Variants in FGF14 observed in about 807,000 individuals in gnomAD.
The protein encoded by FGF14 is fibroblast growth factor 14.
A neutral mutation model predicts 25.5 loss-of-function variants in FGF14; 5 were observed. That is an observed-to-expected ratio of 0.20 (90% CI 0.10 to 0.41). The LOEUF is 0.41. Among genes scored for constraint, FGF14 ranks in the 10% least tolerant of loss-of-function variants. The pLI is 1.00. For synonymous variants in FGF14, 138 were observed against 118.3 expected, an observed-to-expected ratio of 1.17 and a Z score of -1.08; for missense variants, 222 against 320.1, an observed-to-expected ratio of 0.69 and a Z score of 2.34.
intron 1 of FGF14, among the ~76,000 whole-genome samples, chr13:102,383,666 C>G (rs2058237215): frequency 6.6e-6 from 1 of 152,130 alleles, no homozygotes; most frequent in South Asian, 2.1e-4. Context: ...GAGGATAGAT[C>G]CGTTTATTCC....
At chr13:102,225,466 C>G (rs2050789806) in intron 1 of FGF14, among the ~76,000 whole-genome samples, 1 of 152,122 alleles carries the variant, frequency 6.6e-6, no homozygotes, top group Non-Finnish European at 1.5e-5. Context: ...TTATTTTATG[C>G]TGCACTAGAG....
At chr13:102,331,353 C>T (rs2056627613) in intron 1 of FGF14, among the ~76,000 whole-genome samples, 1 of 152,164 alleles carries the variant, frequency 6.6e-6, no homozygotes, top group African/African-American at 2.4e-5. Context: ...ATCCCAATAG[C>T]TTGGACCCAT....
intron 1 of FGF14, among the ~76,000 whole-genome samples, chr13:102,334,006 G>A (rs2056714723): frequency 6.6e-6 from 1 of 152,166 alleles, no homozygotes; most frequent in South Asian, 2.1e-4. Context: ...TGGCATGCCT[G>A]GTAGTCATGG....
upstream of FGF14, chr13:102,401,880 A>G (rs2058709686): frequency 1.3e-5 from 8 of 608,484 alleles, no homozygotes; most frequent in East Asian, 2.8e-5. Flanking sequence ...AGAGATCCCA[A>G]CTGAGATCAA....
At chr13:102,083,989 C>G (rs1203412910) in intron 1 of FGF14, among the ~76,000 whole-genome samples, 1 of 152,132 alleles carries the variant, frequency 6.6e-6, no homozygotes, top group Non-Finnish European at 1.5e-5. Flanking sequence ...CTCTTAATCT[C>G]CGAGTTCATC....
chr13:101,893,402 T>C (rs1345423279), intron 1 of FGF14, among the ~76,000 whole-genome samples: 1 of 152,190 alleles, frequency 6.6e-6, no homozygotes, highest in Non-Finnish European at 1.5e-5. Flanking sequence ...ATTGCTTTGC[T>C]GTGGTGGAGA....
At chr13:101,812,637 ATATATATATATATATATTTTTTTTTT>A (rs2041608552) in intron 3 of FGF14, among the ~76,000 whole-genome samples, 2 of 11,768 alleles carry the variant, frequency 1.7e-4, no homozygotes, top group African/African-American at 5.4e-4. Flanking sequence ...ATATATATAT[ATATATATATATATATATTTTTTTTTT>A]TTTTTTTTTT....
At chr13:102,401,803 C>G (rs993858434), upstream of FGF14, 4 of 822,452 alleles carry the variant, frequency 4.9e-6, no homozygotes, top group Non-Finnish European at 8.0e-6. Context: ...CCTCGATCAC[C>G]ACCGGATTAT....
At chr13:102,332,359 T>A (rs2056659080) in intron 1 of FGF14, among the ~76,000 whole-genome samples, 1 of 152,134 alleles carries the variant, frequency 6.6e-6, no homozygotes. Context: ...AGTAAAACAC[T>A]CATTATTCTG....
intron 3 of FGF14, among the ~76,000 whole-genome samples, chr13:101,785,484 G>A (rs2039759473): frequency 6.6e-6 from 1 of 151,834 alleles, no homozygotes; most frequent in African/African-American, 2.4e-5. Context: ...CTAAGAGCTG[G>A]GCAACTTGAT....
intron 1 of FGF14, among the ~76,000 whole-genome samples, chr13:102,215,990 T>A (rs538504295): frequency 3.3e-5 from 5 of 152,000 alleles, no homozygotes; most frequent in Admixed American, 3.3e-4. Flanking sequence ...GTGAAATGGA[T>A]CCACAGGAGA....
chr13:102,091,319 C>A (rs1036463032), intron 1 of FGF14, among the ~76,000 whole-genome samples: 3 of 152,120 alleles, frequency 2.0e-5, no homozygotes, highest in African/African-American at 7.2e-5. Context: ...AAGATTCTCT[C>A]TGTTAGGATC....
rs754696418 is a variant in FGF14 at position 102,269,641 on chromosome 13, C to T, written c.208+131830G>A. 1.1e-4 allele frequency among the ~76,000 whole-genome samples: 17 copies of T among 152,162 alleles called. 1 individual carries two copies. The highest frequency in any genetic ancestry group is 3.9e-4 in the East Asian group (2 of 5,174). On this transcript the variant is annotated intron_variant, in intron 1 of 4. Transcript: ENST00000376131. The stretch of plus-strand genomic sequence containing the variant: ...TGGGTTCCAGTGATCTTCCTGTCTC[C>T]GCCTCCTGAGTAGCTAGGACTGCCA...
At chr13:101,740,241 G>C (rs1324206638) in intron 3 of FGF14, among the ~76,000 whole-genome samples, 2 of 152,162 alleles carry the variant, frequency 1.3e-5, no homozygotes, top group African/African-American at 4.8e-5. Flanking sequence ...GGTTTTGTCT[G>C]CGGCTCATTC....
intron 3 of FGF14, among the ~76,000 whole-genome samples, chr13:101,835,610 C>T (rs939218944): frequency 2.0e-5 from 3 of 151,950 alleles, no homozygotes; most frequent in Non-Finnish European, 2.9e-5. Context: ...TCCTAACGTG[C>T]AGTGCTAACC....
At chr13:102,341,246 T>C (rs1049976284) in intron 1 of FGF14, among the ~76,000 whole-genome samples, 7 of 152,186 alleles carry the variant, frequency 4.6e-5, no homozygotes, top group Non-Finnish European at 1.0e-4. Flanking sequence ...AATGCTTTTA[T>C]ATGAGACTAG....
Position 102,211,431 on chromosome 13 carries a change from T to C in FGF14, c.208+190040A>G, listed in dbSNP as rs142410037. Among the ~76,000 whole-genome samples, 7 of 152,208 alleles carry C rather than the reference T, an allele frequency of 4.6e-5. No individual in the cohort carries two copies. In the East Asian group the frequency reaches 1.4e-3, roughly 29 times the overall value. On this transcript the variant is annotated intron_variant, in intron 1 of 4. Transcript: ENST00000376131. ...ATCTTAGTCAGAATTGATGTGTTCA[T>C]ATGATCACTTTACTACTTTCAAAGA...
upstream of FGF14, among the ~76,000 whole-genome samples, chr13:101,919,147 G>A (rs565189339): frequency 6.6e-6 from 1 of 152,122 alleles, no homozygotes; most frequent in African/African-American, 2.4e-5. Flanking sequence ...TATTGAGTGT[G>A]TCTGTTGTTT....
intron 4 of FGF14, among the ~76,000 whole-genome samples, chr13:101,725,384 T>C (rs184857674): frequency 7.6e-4 from 116 of 152,204 alleles, no homozygotes; most frequent in African/African-American, 2.6e-3. Flanking sequence ...GACTCTGGAA[T>C]AATCTGTCTT....
Sources: allele counts gnomAD v4.1 joint callset (sites outside exome capture counted in the v4.1 genomes callset), GRCh38; gene constraint gnomAD v4.1.1; transcripts MANE v1.5; gene names NCBI Gene and HGNC (gene_info 2026-07-23, HGNC 2026-07-21).